The following DPP10 variants were observed in gnomAD, a reference collection of about 807,000 sequenced individuals.
DPP10 encodes dipeptidyl peptidase like 10.
Under a neutral mutation model 120.9 loss-of-function variants are expected in DPP10, and 33 were observed. The observed-to-expected ratio is 0.27, with a 90% CI of 0.21 to 0.37. DPP10 has a LOEUF of 0.37. DPP10 is among the 10% of genes least tolerant of loss of function. The probability of loss-of-function intolerance (pLI) is 1.00; values close to 1 mark genes in which losing one functional copy is unlikely to be tolerated. For missense variants in DPP10, 816 were observed against 942.8 expected, an observed-to-expected ratio of 0.87 and a Z score of 1.76; for synonymous variants, 337 against 326.1, an observed-to-expected ratio of 1.03 and a Z score of -0.36.
At chr2:115,672,706 C>CTTTCTTTCTTTCTTTCTTTCTTTA (rs1559010642) in intron 5 of DPP10, among the ~76,000 whole-genome samples, 1 of 139,724 alleles carries the variant, frequency 7.2e-6, no homozygotes, top group Non-Finnish European at 1.6e-5. Flanking sequence ...TTCTTTCTTT[C>CTTTCTTTCTTTCTTTCTTTCTTTA]TTTCTCTTTC....
intron 1 of DPP10, among the ~76,000 whole-genome samples, chr2:114,867,069 T>C (rs923340747): frequency 3.3e-5 from 5 of 152,162 alleles, no homozygotes; most frequent in Non-Finnish European, 7.3e-5. Context: ...GAACATGAAA[T>C]ACAGGACTCA....
intron 1 of DPP10, among the ~76,000 whole-genome samples, chr2:114,926,432 G>A (rs185529172): frequency 3.3e-4 from 51 of 152,288 alleles, no homozygotes; most frequent in African/African-American, 1.1e-3. Flanking sequence ...AAGTCACATC[G>A]CTGGAATGAC....
intron 7 of DPP10, among the ~76,000 whole-genome samples, chr2:115,690,891 A>G (rs2091278329): frequency 6.6e-6 from 1 of 152,156 alleles, no homozygotes; most frequent in Non-Finnish European, 1.5e-5. Context: ...CAATAATGAG[A>G]GCGTTCCCTT....
chr2:114,694,458 A>G (rs540768284), intron 1 of DPP10, among the ~76,000 whole-genome samples: 8 of 152,100 alleles, frequency 5.3e-5, no homozygotes, highest in South Asian at 2.1e-4. Flanking sequence ...CTATGAACTC[A>G]GATACCAATT....
chr2:115,650,588 C>T (rs776959247), intron 5 of DPP10, among the ~76,000 whole-genome samples: 1 of 152,000 alleles, frequency 6.6e-6, no homozygotes, highest in African/African-American at 2.4e-5. Flanking sequence ...TATAATCCAC[C>T]TCCTAAGAAA....
chr2:114,995,502 C>CA (rs1409455961), intron 1 of DPP10, among the ~76,000 whole-genome samples: 1 of 152,054 alleles, frequency 6.6e-6, no homozygotes, highest in African/African-American at 2.4e-5. Context: ...AGGAATTCTA[C>CA]AAAAAATATT....
In DPP10 at chr2:114,899,281, G is replaced by GT. The variant is rs555347937; in HGVS notation, c.61-409950dup. Among the ~76,000 whole-genome samples the GT allele has an allele frequency of 1.9e-3, 281 of 151,600 alleles. 1 individual carries two copies. The highest frequency in any genetic ancestry group is 2.9e-3 in the Non-Finnish European group (194 of 67,880). On this transcript the variant is annotated intron_variant, in intron 1 of 25. Coordinates refer to ENST00000410059, the MANE Select transcript of DPP10 (RefSeq NM_020868.6). Reference sequence around the variant, plus strand: ...GTGAAGAGCAAGTTTCAGCTTTGAGGTTTTTTTTAACTTTTTATTGGGAAA... The same window carrying GT: ...GTGAAGAGCAAGTTTCAGCTTTGAGGTTTTTTTTTAACTTTTTATTGGGAAA...
intron 3 of DPP10, among the ~76,000 whole-genome samples, chr2:115,437,442 A>G (rs780168654): frequency 6.6e-6 from 1 of 152,086 alleles, no homozygotes; most frequent in Admixed American, 6.6e-5. Flanking sequence ...AAAGGAGTCT[A>G]TGAGGATGAA....
intron 21 of DPP10, among the ~76,000 whole-genome samples, chr2:115,830,774 T>G (rs1306746749): frequency 6.6e-6 from 1 of 152,176 alleles, no homozygotes; most frequent in Non-Finnish European, 1.5e-5. Context: ...ATGTTTGAAC[T>G]AAGAGAAGGC....
At chr2:114,901,045 T>A (rs1473467444) in intron 1 of DPP10, among the ~76,000 whole-genome samples, 1 of 152,162 alleles carries the variant, frequency 6.6e-6, no homozygotes, top group Admixed American at 6.5e-5. Context: ...ACATGAATTG[T>A]GCTAACATTG....
chr2:115,271,551 A>G (rs538000736), intron 1 of DPP10, among the ~76,000 whole-genome samples: 9 of 152,198 alleles, frequency 5.9e-5, no homozygotes, highest in Non-Finnish European at 1.2e-4. Flanking sequence ...TTACACAGAA[A>G]GAATAAGTAG....
At chr2:114,586,085 A>C (rs984200535) in intron 1 of DPP10, among the ~76,000 whole-genome samples, 2 of 152,100 alleles carry the variant, frequency 1.3e-5, no homozygotes, top group Non-Finnish European at 2.9e-5. Flanking sequence ...CCATCTCTAT[A>C]ATAAATACAA....
intron 1 of DPP10, among the ~76,000 whole-genome samples, chr2:114,941,751 T>C (rs1696917513): frequency 6.6e-6 from 1 of 152,140 alleles, no homozygotes; most frequent in African/African-American, 2.4e-5. Context: ...ATAGACTCAG[T>C]GTTGACAAGC....
intron 5 of DPP10, among the ~76,000 whole-genome samples, chr2:115,624,260 T>C (rs1156587335): frequency 2.0e-5 from 3 of 152,206 alleles, no homozygotes; most frequent in East Asian, 3.9e-4. Context: ...CAAAGTGAAG[T>C]GTTTTGGTTC....
chr2:115,509,622 C>T (rs1182522487), intron 4 of DPP10, among the ~76,000 whole-genome samples: 3 of 152,012 alleles, frequency 2.0e-5, no homozygotes, highest in Non-Finnish European at 2.9e-5. Flanking sequence ...GCTGAGATTG[C>T]GCCACTGCAC....
At chr2:115,685,685 T>C (rs1424322433) in intron 5 of DPP10, among the ~76,000 whole-genome samples, 1 of 152,046 alleles carries the variant, frequency 6.6e-6, no homozygotes, top group East Asian at 1.9e-4. Context: ...TATGATAATC[T>C]TTTTAAAAAT....
chr2:115,160,521 T>A (rs1484954925), intron 1 of DPP10, among the ~76,000 whole-genome samples: 1 of 152,142 alleles, frequency 6.6e-6, no homozygotes, highest in Non-Finnish European at 1.5e-5. Flanking sequence ...AAAGCCCAAC[T>A]CACTGCCACC....
intron 1 of DPP10, among the ~76,000 whole-genome samples, chr2:115,088,778 C>A (rs376184528): frequency 0.022 from 2,020 of 92,064 alleles, 21 homozygotes; most frequent in African/African-American, 0.049. Context: ...AACCAAAAAA[C>A]AAAAAAAACC....
At chr2:114,570,154 C>A (rs1689515405) in intron 1 of DPP10, among the ~76,000 whole-genome samples, 1 of 152,144 alleles carries the variant, frequency 6.6e-6, no homozygotes, top group African/African-American at 2.4e-5. Context: ...AGGCCAGGTG[C>A]TATATATTGA....
Sources: allele counts gnomAD v4.1 joint callset (sites outside exome capture counted in the v4.1 genomes callset), GRCh38; gene constraint gnomAD v4.1.1; transcripts MANE v1.5; gene names NCBI Gene and HGNC (gene_info 2026-07-23, HGNC 2026-07-21).